The following CADM2 variants were observed in gnomAD, a reference collection of about 807,000 sequenced individuals.
CADM2 encodes the protein immunoglobulin superfamily member 4D.
CADM2 carries 12 observed loss-of-function variants against 49.8 expected under a neutral mutation model. The ratio of observed to expected loss-of-function variants is 0.24; its 90% CI spans 0.15 to 0.39. CADM2 has a LOEUF of 0.39. Ranked by LOEUF, CADM2 falls within the 10% of genes least tolerant of loss-of-function variation. The probability of loss-of-function intolerance (pLI) is 1.00; values close to 1 mark genes in which losing one functional copy is unlikely to be tolerated. For synonymous variants in CADM2, 214 were observed against 175.4 expected, an observed-to-expected ratio of 1.22 and a Z score of -1.74; for missense variants, 378 against 492.3, an observed-to-expected ratio of 0.77 and a Z score of 2.20.
intron 1 of CADM2, among the ~76,000 whole-genome samples, chr3:85,712,190 C>T (rs1046539307): frequency 1.3e-5 from 2 of 152,132 alleles, no homozygotes; most frequent in Non-Finnish European, 2.9e-5. Context: ...ATCATGAAAA[C>T]TAATTTATTG....
chr3:85,843,005 T>C (rs76261345), intron 3 of CADM2, among the ~76,000 whole-genome samples: 9,769 of 152,140 alleles, frequency 0.064, 527 homozygotes, highest in East Asian at 0.19. Flanking sequence ...TAAATAATTG[T>C]AATTATATAC....
intron 8 of CADM2, among the ~76,000 whole-genome samples, chr3:86,025,587 T>G (rs187356161): frequency 6.6e-6 from 1 of 152,274 alleles, no homozygotes; most frequent in African/African-American, 2.4e-5. Context: ...TAAAATAAAT[T>G]TTTATTACAC....
chr3:85,964,588 C>T (rs1452325540), intron 8 of CADM2, among the ~76,000 whole-genome samples: 1 of 151,720 alleles, frequency 6.6e-6, no homozygotes, highest in East Asian at 1.9e-4. Flanking sequence ...CCTAATTACA[C>T]CTTTAAAATT....
At chr3:85,974,573 G>A (rs1261864137) in intron 8 of CADM2, among the ~76,000 whole-genome samples, 1 of 151,622 alleles carries the variant, frequency 6.6e-6, no homozygotes, top group Non-Finnish European at 1.5e-5. Flanking sequence ...GAGAGATGAT[G>A]GACTGATGAA....
At chr3:85,074,961 C>G (rs915305010) in intron 1 of CADM2, among the ~76,000 whole-genome samples, 2 of 151,620 alleles carry the variant, frequency 1.3e-5, no homozygotes, top group Non-Finnish European at 2.9e-5. Context: ...AACCAATCCA[C>G]TAGGAGCAAG....
chr3:85,232,859 G>C (rs1201875497), intron 1 of CADM2, among the ~76,000 whole-genome samples: 1 of 152,090 alleles, frequency 6.6e-6, no homozygotes, highest in African/African-American at 2.4e-5. Context: ...CTAAACATAG[G>C]TTTAGTATAT....
At chr3:85,258,629 G>A (rs1314059203) in intron 1 of CADM2, among the ~76,000 whole-genome samples, 3 of 152,120 alleles carry the variant, frequency 2.0e-5, no homozygotes, top group African/African-American at 4.8e-5. Flanking sequence ...CAAATGTACC[G>A]TATCCATTAA....
intron 1 of CADM2, among the ~76,000 whole-genome samples, chr3:85,099,501 A>G (rs1395417218): frequency 6.9e-6 from 1 of 143,940 alleles, no homozygotes; most frequent in African/African-American, 2.6e-5. Flanking sequence ...ACACAGTCTC[A>G]CTCTGTTGCC....
intron 1 of CADM2, among the ~76,000 whole-genome samples, chr3:85,603,449 A>T (rs2063468708): frequency 6.6e-6 from 1 of 151,786 alleles, no homozygotes; most frequent in Non-Finnish European, 1.5e-5. Flanking sequence ...TTTTTCCTCA[A>T]TTTCAAGAAG....
At chr3:85,281,293 C>T (rs2043493236) in intron 1 of CADM2, among the ~76,000 whole-genome samples, 1 of 151,682 alleles carries the variant, frequency 6.6e-6, no homozygotes, top group South Asian at 2.1e-4. Context: ...ATAGAATTAT[C>T]CTTGAAAAAA....
intron 1 of CADM2, among the ~76,000 whole-genome samples, chr3:85,524,448 T>C (rs1337810880): frequency 2.0e-5 from 3 of 152,154 alleles, no homozygotes; most frequent in African/African-American, 7.2e-5. Context: ...TAGTTTTCAA[T>C]AGTTGGATAT....
intron 1 of CADM2, among the ~76,000 whole-genome samples, chr3:85,098,023 G>C (rs1275195382): frequency 6.6e-6 from 1 of 152,118 alleles, no homozygotes. Flanking sequence ...AATAATTAGA[G>C]AATGAATTTG....
At position 85,089,977 on chromosome 3, in the gene CADM2, A is replaced by G. The variant is rs937249431; in HGVS notation, c.61+130309A>G. ...CTTGTTGCTGTTGTTTGTGCTGTGA[A>G]ATTATTCAGAATTTCTAGATGTTAA... On this transcript the variant is annotated intron_variant, in intron 1 of 9. Transcript: ENST00000383699. Among the ~76,000 whole-genome samples the G allele has an allele frequency of 4.6e-5, 7 of 152,238 alleles. 1 individual carries two copies. The highest frequency in any genetic ancestry group is 6.8e-3 in the Middle Eastern group (2 of 294).
At chr3:85,413,138 C>CAA (rs397973777) in intron 1 of CADM2, among the ~76,000 whole-genome samples, 987 of 17,056 alleles carry the variant, frequency 0.058, 135 homozygotes, top group Non-Finnish European at 0.089. Context: ...GACTCCGTCT[C>CAA]AAAAAAAAAA....
At chr3:85,746,459 A>T (rs1479012680) in intron 2 of CADM2, among the ~76,000 whole-genome samples, 1 of 152,146 alleles carries the variant, frequency 6.6e-6, no homozygotes, top group Non-Finnish European at 1.5e-5. Context: ...CACAAAAACA[A>T]GTGTACCATA....
chr3:85,543,260 T>A (rs1318789836), intron 1 of CADM2, among the ~76,000 whole-genome samples: 2 of 42,794 alleles, frequency 4.7e-5, no homozygotes, highest in Non-Finnish European at 1.0e-4. Context: ...ATTTTTTATT[T>A]TTATTTTTTT....
At chr3:85,089,269 G>C (rs2037503197) in intron 1 of CADM2, among the ~76,000 whole-genome samples, 1 of 151,996 alleles carries the variant, frequency 6.6e-6, no homozygotes, top group African/African-American at 2.4e-5. Flanking sequence ...ATAACTTTCA[G>C]AAAATTTTGG....
intron 1 of CADM2, among the ~76,000 whole-genome samples, chr3:85,117,826 G>T (rs565560493): frequency 6.6e-6 from 1 of 152,124 alleles, no homozygotes; most frequent in African/African-American, 2.4e-5. Context: ...CCTTTGTGTG[G>T]AGCCAATGGG....
intron 2 of CADM2, among the ~76,000 whole-genome samples, chr3:85,785,911 C>A (rs1040262737): frequency 3.3e-5 from 5 of 151,692 alleles, no homozygotes; most frequent in African/African-American, 1.2e-4. Context: ...ATAGCAACTT[C>A]CTCAGTTCTC....
Sources: allele counts gnomAD v4.1 joint callset (sites outside exome capture counted in the v4.1 genomes callset), GRCh38; gene constraint gnomAD v4.1.1; transcripts MANE v1.5; gene names NCBI Gene and HGNC (gene_info 2026-07-23, HGNC 2026-07-21).